Variants in SLC15A4 observed in about 807,000 individuals in gnomAD.
SLC15A4 encodes the protein hPHT1.
In SLC15A4, 26 loss-of-function variants were observed where a neutral mutation model predicts 46.1. The observed-to-expected ratio is 0.56, with a 90% confidence interval of 0.41 to 0.78. The LOEUF (loss-of-function observed/expected upper bound fraction) is 0.78. SLC15A4 is among the 30% of genes least tolerant of loss of function. The pLI, the probability that SLC15A4 is intolerant of heterozygous loss-of-function variation, is 0.00. For missense variants in SLC15A4, 751 were observed against 755.7 expected (o/e 0.99, Z 0.07); for synonymous variants, 370 against 333.4 (o/e 1.11, Z -1.20).
At position 128,823,384 on chromosome 12, in the gene SLC15A4, G is replaced by A; in HGVS notation, c.546+14C>T. ...TGGACAGGGACAGGGACAGCGCGCG[G>A]GGGCGCGGCTCACCTGGTCGGCGCC... On this transcript the variant is annotated intron_variant, in intron 1 of 7. Transcript: ENST00000266771. 2.1e-6 allele frequency: 3 copies of A among 1,402,240 alleles called. No homozygotes were observed. Among genetic ancestry groups the A allele is most frequent in the Non-Finnish European group, 2.8e-6 (3 of 1,084,542 alleles). The allele number at this position is 1,402,240 out of a possible 1,614,324, so 86.9% of individuals were successfully genotyped here.
chr12:128,796,407 C>T (rs1227482861), intron 7 of SLC15A4, among the ~76,000 whole-genome samples: 1 of 116,562 alleles, frequency 8.6e-6, no homozygotes, highest in Non-Finnish European at 1.6e-5. Flanking sequence ...CCAGCCCGGG[C>T]AACAAACGTG....
intron 2 of SLC15A4, among the ~76,000 whole-genome samples, chr12:128,810,765 G>A (rs935468480): frequency 6.6e-6 from 1 of 152,110 alleles, no homozygotes; most frequent in Non-Finnish European, 1.5e-5. Context: ...AACAGGGAGT[G>A]CCCAGTGCAC....
chr12:128,798,981 G>A (rs1387776405), intron 7 of SLC15A4, among the ~76,000 whole-genome samples: 2 of 152,200 alleles, frequency 1.3e-5, no homozygotes, highest in Non-Finnish European at 2.9e-5. Context: ...TCCCCGTAAG[G>A]AGCGGTGGCT....
chr12:128,798,325 C>T (rs1285955286), intron 7 of SLC15A4, among the ~76,000 whole-genome samples: 1 of 152,208 alleles, frequency 6.6e-6, no homozygotes, highest in Non-Finnish European at 1.5e-5. Flanking sequence ...CTCCTCAGAG[C>T]AAGCAGCCCT....
In SLC15A4 at chr12:128,797,731, G is replaced by A. The variant is rs377148735; in HGVS notation, c.1573+1528C>T. Reference sequence around the variant, plus strand: ...CCTGAGAGCTGCTGCTCCTTCCAAGGCCACACAAATTCAGGGAGAACTCTC... The same window carrying A: ...CCTGAGAGCTGCTGCTCCTTCCAAGACCACACAAATTCAGGGAGAACTCTC... On this transcript the variant is annotated intron_variant, in intron 7 of 7. Transcript: ENST00000266771. Among the ~76,000 whole-genome samples, 6 of 152,188 alleles carry A rather than the reference G, an allele frequency of 3.9e-5. No homozygotes were observed. In the East Asian group the frequency reaches 7.7e-4, roughly 20 times the overall value.
At position 128,823,892 on chromosome 12, in the gene SLC15A4, G is replaced by C; in HGVS notation, c.52C>G (p.Arg18Gly). ...AGERAPLLGA[R>G]RAAAAAAAAG... Reference sequence around the variant, plus strand: ...GCCGCCGCGGCCGCCGCCGCCCGCCGCGCGCCCAGCAGCGGCGCCCGCTCG... The same window carrying C: ...GCCGCCGCGGCCGCCGCCGCCCGCCCCGCGCCCAGCAGCGGCGCCCGCTCG... Residue 18 changes from arginine (R) to glycine (G), a missense_variant, in exon 1 of 8, where the codon CGG (arginine) becomes GGG (glycine). By Grantham distance (125) the Arg-to-Gly change is moderately radical (BLOSUM62 -2). Transcript: ENST00000266771. 1 of 937,940 alleles carries C rather than the reference G, an allele frequency of 1.1e-6. No individual in the cohort carries two copies. Among genetic ancestry groups the C allele is most frequent in the Non-Finnish European group, 1.3e-6 (1 of 789,418 alleles). The allele number at this position is 937,940 out of a possible 1,614,324, so 58.1% of individuals were successfully genotyped here. A position where few individuals can be genotyped will look rare whatever the true frequency, so the allele number is the denominator to read the frequency against.
At position 128,823,898 on chromosome 12, in the gene SLC15A4, C is replaced by G; in HGVS notation, c.46G>C (p.Gly16Arg). The G allele has an allele frequency of 1.1e-6, 1 of 904,766 alleles. No homozygotes were observed. Among genetic ancestry groups the G allele is most frequent in the East Asian group, 1.2e-4 (1 of 8,362 alleles). 56.0% of individuals were successfully genotyped at this position (904,766 alleles called of 1,614,324 possible). A position where few individuals can be genotyped will look rare whatever the true frequency, so the allele number is the denominator to read the frequency against. The change falls in exon 1 of 8, where the codon GGC becomes CGC. Residue 16 changes from glycine to arginine, a missense_variant. By Grantham distance (125) the Gly-to-Arg change is moderately radical (BLOSUM62 -2). Transcript: ENST00000266771. The part of the protein sequence containing the change: ...GGAGERAPLL[G>R]ARRAAAAAAA... Reference sequence around the variant, plus strand: ...GCGGCCGCCGCCGCCCGCCGCGCGCCCAGCAGCGGCGCCCGCTCGCCCGCA... The same window carrying G: ...GCGGCCGCCGCCGCCCGCCGCGCGCGCAGCAGCGGCGCCCGCTCGCCCGCA...
Position 128,814,936 on chromosome 12 carries a change from C to A in SLC15A4, c.681G>T (p.Ala227=). ...CAAGGCCGACGCAGACAGTGGGGAT[C>A]GCATAACCAGTGACAAAGCTGACGT... ...QQNVSFVTGY[A]IPTVCVGLAF... The change falls in exon 2 of 8, where the codon GCG becomes GCT. Residue 227 remains alanine (A), a synonymous_variant. Transcript: ENST00000266771. 6.2e-7 allele frequency: 1 copy of A among 1,614,144 alleles called. No individual in the cohort carries two copies. Among genetic ancestry groups the A allele is most frequent in the Non-Finnish European group, 8.5e-7 (1 of 1,180,036 alleles).
At chr12:128,805,994 CCT>C (rs1955582457) in intron 5 of SLC15A4, among the ~76,000 whole-genome samples, 1 of 151,454 alleles carries the variant, frequency 6.6e-6, no homozygotes, top group Admixed American at 6.6e-5. Context: ...ACGATGAAAC[CCT>C]GTCTCTACTA....
chr12:128,803,146 A>G lies in SLC15A4; in HGVS notation c.1259-2137T>C, dbSNP rs149313733. ...AGGATAAATGAGCCAAATCCTTCAG[A>G]TAAAAGTCATCCACTTGTATCAGTT... On this transcript the variant is annotated intron_variant, in intron 5 of 7. Coordinates refer to ENST00000266771, the MANE Select transcript of SLC15A4 (RefSeq NM_145648.4). Among the ~76,000 whole-genome samples, 6 of 152,340 alleles carry G rather than the reference A, an allele frequency of 3.9e-5. No homozygotes were observed. The East Asian group carries it at 1.2e-3, about 29-fold the overall frequency.
intron 5 of SLC15A4, 44 bp from the exon 6 acceptor site, chr12:128,801,053 T>TTTAGA: frequency 6.6e-7 from 1 of 1,512,526 alleles, no homozygotes; most frequent in Admixed American, 2.1e-5. Context: ...TTTATTAACA[T>TTTAGA]TTACAGTTAA....
At position 128,823,396 on chromosome 12, in the gene SLC15A4, ACCTGGTCG is replaced by A; in HGVS notation, c.540_546+1del. Reference sequence around the variant, plus strand: ...GGGACAGCGCGCGGGGGCGCGGCTCACCTGGTCGGCGCCGAAGGGCGTGATGTTGGCCT... The same window carrying A: ...GGGACAGCGCGCGGGGGCGCGGCTCAGCGCCGAAGGGCGTGATGTTGGCCT... On this transcript the variant is annotated splice_donor_variant and coding_sequence_variant, in exon 1 of 8. Coordinates refer to ENST00000266771, the MANE Select transcript of SLC15A4 (RefSeq NM_145648.4). LOFTEE classifies it high-confidence loss of function. The A allele has an allele frequency of 7.0e-7, 1 of 1,421,386 alleles. No individual in the cohort carries two copies. The highest frequency in any genetic ancestry group is 9.1e-7 in the Non-Finnish European group (1 of 1,094,084). 88.0% of individuals were successfully genotyped at this position (1,421,386 alleles called of 1,614,324 possible).
At chr12:128,803,834 C>T (rs762952912) in intron 5 of SLC15A4, among the ~76,000 whole-genome samples, 14 of 151,084 alleles carry the variant, frequency 9.3e-5, no homozygotes, top group Non-Finnish European at 1.8e-4. Context: ...CGGGACGACA[C>T]GACGAATTGG....
intron 5 of SLC15A4, among the ~76,000 whole-genome samples, chr12:128,806,245 T>A (rs1011672276): frequency 6.6e-6 from 1 of 151,984 alleles, no homozygotes; most frequent in African/African-American, 2.4e-5. Context: ...CATGTACAGT[T>A]ACATTCTATG....
At chr12:128,822,256 C>A (rs1469866626) in intron 1 of SLC15A4, among the ~76,000 whole-genome samples, 2 of 152,234 alleles carry the variant, frequency 1.3e-5, no homozygotes, top group Non-Finnish European at 2.9e-5. Context: ...TGCAGGGGAG[C>A]AGCTTGATGC....
intron 5 of SLC15A4, among the ~76,000 whole-genome samples, chr12:128,806,450 A>T (rs1385988814): frequency 6.6e-6 from 1 of 152,174 alleles, no homozygotes; most frequent in Non-Finnish European, 1.5e-5. Context: ...GTAAGCTATA[A>T]GCAAAATCAA....
chr12:128,809,542 C>T, intron 3 of SLC15A4, 69 bp from the exon 4 acceptor site: 1 of 964,500 alleles, frequency 1.0e-6, no homozygotes, highest in South Asian at 1.5e-5. Context: ...GCATCCTGCC[C>T]CTCCCCTAAG....
chr12:128,823,652 C>A lies in SLC15A4; in HGVS notation c.292G>T (p.Ala98Ser), dbSNP rs1418894362. The A allele has an allele frequency of 6.7e-7, 1 of 1,490,252 alleles. No homozygotes were observed. Among genetic ancestry groups the A allele is most frequent in the Admixed American group, 2.2e-5 (1 of 45,882 alleles). The allele number at this position is 1,490,252 out of a possible 1,614,324, so 92.3% of individuals were successfully genotyped here. The change falls in exon 1 of 8, where the codon GCG becomes TCG. Residue 98 changes from alanine (A) to serine (S), a missense_variant. Physicochemically the swap from Ala to Ser is moderately conservative, Grantham distance 99. Coordinates refer to ENST00000266771, the MANE Select transcript of SLC15A4 (RefSeq NM_145648.4). The stretch of plus-strand genomic sequence containing the variant: ...ATGGCGCGCGCCCGGCCCAGCCGCG[C>A]GTCGGCCAGCCAGCCTCCGAACGGC... ...GSPFGGWLAD[A>S]RLGRARAILL...
At chr12:128,818,893 T>C (rs530162932) in intron 1 of SLC15A4, among the ~76,000 whole-genome samples, 3 of 152,364 alleles carry the variant, frequency 2.0e-5, no homozygotes, top group African/African-American at 7.2e-5. Flanking sequence ...GCTTCCTTCA[T>C]GCAGCCGAAT....
Sources: allele counts gnomAD v4.1 joint callset (sites outside exome capture counted in the v4.1 genomes callset), GRCh38; gene constraint gnomAD v4.1.1; transcripts MANE v1.5; gene names NCBI Gene and HGNC (gene_info 2026-07-23, HGNC 2026-07-21).